MPND: variants seen among roughly 807,000 people sequenced by gnomAD.
MPND encodes MPN domain containing.
Under a neutral mutation model 59.2 loss-of-function variants are expected in MPND, and 56 were observed. The ratio of observed to expected loss-of-function variants is 0.95; its 90% CI spans 0.76 to 1.18. The LOEUF (loss-of-function observed/expected upper bound fraction) is 1.18. MPND is among the 50% of genes most tolerant of loss of function. The pLI is 0.00. For synonymous variants in MPND, 323 were observed against 291.9 expected (o/e 1.11, Z -1.09); for missense variants, 671 against 676.0 (o/e 0.99, Z 0.08).
chr19:4,347,894 T>TTG, intron 3 of MPND: 1 of 182,244 alleles, frequency 5.5e-6, no homozygotes, highest in South Asian at 1.2e-4. Context: ...TGTGTTTTTT[T>TTG]TTGTTTTTTT....
At chr19:4,350,285 G>A (rs1972287137) in intron 3 of MPND, among the ~76,000 whole-genome samples, 1 of 152,178 alleles carries the variant, frequency 6.6e-6, no homozygotes, top group African/African-American at 2.4e-5. Context: ...GGGGAGGATG[G>A]GAAGGGGACA....
intron 12 of MPND, among the ~76,000 whole-genome samples, chr19:4,359,538 G>A (rs1972531303): frequency 1.3e-5 from 2 of 152,176 alleles, no homozygotes; most frequent in Admixed American, 1.3e-4. Context: ...ACCCCTGAGT[G>A]TCTTAGGGTA....
intron 6 of MPND, among the ~76,000 whole-genome samples, 154 bp from the exon 7 acceptor site, chr19:4,354,795 C>T (rs1056200671): frequency 2.0e-5 from 3 of 152,102 alleles, no homozygotes; most frequent in African/African-American, 4.8e-5. Context: ...ACTGGGGAGG[C>T]GGAGGTTGCG....
intron 8 of MPND, chr19:4,356,682 C>T (rs535748251): frequency 1.3e-5 from 2 of 151,868 alleles, no homozygotes; most frequent in Non-Finnish European, 2.9e-5. Flanking sequence ...GCTCTGTTGC[C>T]CAGGCTGGAC....
intron 3 of MPND, chr19:4,347,134 T>C (rs1202624421): frequency 2.6e-5 from 4 of 151,676 alleles, no homozygotes; most frequent in Non-Finnish European, 5.9e-5. Flanking sequence ...TGTAGTCTTG[T>C]GGCAGAATCT....
intron 5 of MPND, 90 bp from the exon 6 acceptor site, chr19:4,354,234 C>A: frequency 6.7e-7 from 1 of 1,488,604 alleles, no homozygotes; most frequent in Non-Finnish European, 9.2e-7. Flanking sequence ...GCCTCAGATC[C>A]TCAGAGCTGT....
rs1340784131 is a variant in MPND, at chr19:4,343,985, C to G, written c.285C>G (p.Ile95Met). The change falls in exon 2 of 13, where the codon ATC becomes ATG. Residue 95 changes from isoleucine (I) to methionine (M), a missense_variant. Physicochemically the swap from Ile to Met is conservative, Grantham distance 10. Coordinates refer to ENST00000599840, the MANE Select transcript of MPND (RefSeq NM_001300862.2). ...LLEPGAGVLSIYYLGKKFLGD... is the reference protein window; with the variant it reads ...LLEPGAGVLSMYYLGKKFLGD... ...AGCCTGGCGCCGGGGTGCTGTCCAT[C>G]TACTACCTGGTGAGCACCCCGCCTC... 5.9e-6 allele frequency: 8 copies of G among 1,366,406 alleles called. No homozygotes were observed. The highest frequency in any genetic ancestry group is 3.0e-5 in the East Asian group (1 of 33,052). 84.6% of individuals were successfully genotyped at this position (1,366,406 alleles called of 1,614,324 possible). A position where few individuals can be genotyped will look rare whatever the true frequency, so the allele number is the denominator to read the frequency against.
intron 8 of MPND, among the ~76,000 whole-genome samples, chr19:4,356,094 C>T (rs751732745): frequency 4.9e-5 from 7 of 142,688 alleles, no homozygotes; most frequent in Non-Finnish European, 1.1e-4. Context: ...CCTCGTGATC[C>T]ACCCGCGTCA....
chr19:4,343,716 C>T lies in MPND; in HGVS notation c.16C>T (p.Pro6Ser), dbSNP rs1241077513. Residue 6 changes from proline (P) to serine (S), a missense_variant, in exon 2 of 13, where the codon CCG becomes TCG. Physicochemically the swap from Pro to Ser is moderately conservative, Grantham distance 74. Transcript: ENST00000599840. The part of the protein sequence containing the change: MAAPE[P>S]LSPAGGAGEE... ...CCTCTCGCTGTCCGCAGCTCCGGAG[C>T]CGCTGTCCCCGGCGGGCGGTGCGGG... 5 of 1,203,216 alleles carry T rather than the reference C, an allele frequency of 4.2e-6. No individual in the cohort carries two copies. In the East Asian group the frequency reaches 1.4e-4, roughly 34 times the overall value. 74.5% of individuals were successfully genotyped at this position (1,203,216 alleles called of 1,614,324 possible).
chr19:4,356,333 G>C (rs1026274973), intron 8 of MPND, among the ~76,000 whole-genome samples: 4 of 152,076 alleles, frequency 2.6e-5, no homozygotes, highest in African/African-American at 9.7e-5. Flanking sequence ...CAGGAGGTTT[G>C]CTGGAGTTCA....
Position 4,355,374 on chromosome 19 carries a change from C to T in MPND, c.996+201C>T, listed in dbSNP as rs575087917. 2.5e-3 allele frequency among the ~76,000 whole-genome samples: 350 copies of T among 137,770 alleles called. 2 individuals carry two copies. Among genetic ancestry groups the T allele is most frequent in the Middle Eastern group, 4.7e-3 (1 of 214 alleles). The allele number at this position is 137,770 out of a possible 152,430, so 90.4% of individuals were successfully genotyped here. A position where few individuals can be genotyped will look rare whatever the true frequency, so the allele number is the denominator to read the frequency against. On this transcript the variant is annotated intron_variant, in intron 8 of 12. Coordinates refer to ENST00000599840, the MANE Select transcript of MPND (RefSeq NM_001300862.2). Reference sequence around the variant, plus strand: ...TTTTTGAGACGGAGTCTCGCTCTGTCACCCAGGCTAGAGTGCAGTGGTGCG... The same window carrying T: ...TTTTTGAGACGGAGTCTCGCTCTGTTACCCAGGCTAGAGTGCAGTGGTGCG...
intron 12 of MPND, 53 bp downstream of exon 12, chr19:4,359,308 T>G: frequency 2.9e-6 from 4 of 1,375,474 alleles, no homozygotes; most frequent in Non-Finnish European, 3.1e-6. Context: ...AGAGGCCCCC[T>G]GGGCAGCCTA....
In MPND at chr19:4,343,779, G is replaced by C. The variant is rs1006834484; in HGVS notation, c.79G>C (p.Ala27Pro). Residue 27 changes from alanine to proline, a missense_variant, in exon 2 of 13, where the codon GCC becomes CCC. Transcript: ENST00000599840. ...GGAGGAGGACGAGGACGAAGCGGAG[G>C]CCGAGGACCCTGAGCGGCCGAATGC... The part of the protein sequence containing the change: ...APEEDEDEAE[A>P]EDPERPNAGA... 5.8e-6 allele frequency: 7 copies of C among 1,209,174 alleles called. No homozygotes were observed. Among genetic ancestry groups the C allele is most frequent in the Non-Finnish European group, 7.2e-6 (7 of 972,850 alleles). The allele number at this position is 1,209,174 out of a possible 1,614,324, so 74.9% of individuals were successfully genotyped here.
Position 4,354,397 on chromosome 19 carries a change from T to C in MPND, c.823T>C (p.Ser275Pro). ...NKFQPFNVAV[S>P]SNVLFLLDFH... is the part of the protein sequence containing the mutation. ...GTTCCAGCCGTTCAACGTGGCTGTT[T>C]CTAGCAACGTGCTGTTCCTGCTGGT... Residue 275 changes from serine to proline, a missense_variant, in exon 6 of 13, where the codon TCT (serine) becomes CCT (proline). Ser to Pro is a moderately conservative substitution (Grantham distance 74, BLOSUM62 -1). Transcript: ENST00000599840. 1.3e-6 allele frequency: 2 copies of C among 1,558,984 alleles called. No individual in the cohort carries two copies. The highest frequency in any genetic ancestry group is 1.7e-6 in the Non-Finnish European group (2 of 1,150,206).
intron 3 of MPND, chr19:4,348,872 G>A (rs1042292024): frequency 6.2e-6 from 1 of 162,030 alleles, no homozygotes; most frequent in Non-Finnish European, 1.4e-5. Context: ...GGCCAGGCTG[G>A]TCTTGAACTC....
At chr19:4,350,224 C>G (rs560600783) in intron 3 of MPND, among the ~76,000 whole-genome samples, 1 of 151,854 alleles carries the variant, frequency 6.6e-6, no homozygotes, top group African/African-American at 2.4e-5. Flanking sequence ...GGAGGAACAG[C>G]GAGGAGCCTG....
chr19:4,350,055 G>T (rs1224833806), intron 3 of MPND, among the ~76,000 whole-genome samples: 1 of 152,086 alleles, frequency 6.6e-6, no homozygotes, highest in Non-Finnish European at 1.5e-5. Flanking sequence ...CCCTGCCTTT[G>T]GGTGGGAGTT....
At chr19:4,351,949 G>T (rs1340994233) in intron 3 of MPND, among the ~76,000 whole-genome samples, 1 of 151,770 alleles carries the variant, frequency 6.6e-6, no homozygotes, top group Non-Finnish European at 1.5e-5. Flanking sequence ...GAGGCAGGTG[G>T]GTCACTTGAG....
intron 8 of MPND, chr19:4,356,571 T>A (rs1326252736): frequency 6.6e-6 from 1 of 151,842 alleles, no homozygotes; most frequent in Admixed American, 6.6e-5. Context: ...GAAGGGCTGC[T>A]AATATTGAAT....
Sources: gnomAD v4.1 joint callset for allele counts (sites outside exome capture counted in the v4.1 genomes callset) on GRCh38, gnomAD v4.1.1 for gene constraint, MANE v1.5 for transcripts, NCBI Gene and HGNC (gene_info 2026-07-23, HGNC 2026-07-21) for gene names.